Variants in PLCB4 observed in about 807,000 individuals in gnomAD.
The protein encoded by PLCB4 is 1-phosphatidylinositol 4,5-bisphosphate phosphodiesterase beta-4.
In PLCB4, 77 loss-of-function variants were observed where a neutral mutation model predicts 178.8. The observed-to-expected ratio is 0.43, with a 90% CI of 0.36 to 0.52. The LOEUF (loss-of-function observed/expected upper bound fraction) is 0.52. PLCB4 is among the 20% of genes least tolerant of loss of function. The probability of loss-of-function intolerance (pLI) is 0.00; values close to 1 mark genes in which losing one functional copy is unlikely to be tolerated. For missense variants in PLCB4, 1,024 were observed against 1,453.4 expected (o/e 0.70, Z 4.80); for synonymous variants, 496 against 490.8 (o/e 1.01, Z -0.14).
At chr20:9,277,158 G>C (rs941635365) in intron 3 of PLCB4, among the ~76,000 whole-genome samples, 2 of 152,026 alleles carry the variant, frequency 1.3e-5, no homozygotes, top group African/African-American at 2.4e-5. Flanking sequence ...CTGCATGTTA[G>C]CTACAGGGTA....
intron 3 of PLCB4, among the ~76,000 whole-genome samples, chr20:9,246,298 C>T (rs1051327074): frequency 6.6e-6 from 1 of 152,058 alleles, no homozygotes; most frequent in African/African-American, 2.4e-5. Context: ...TCTCCCTTAC[C>T]ACTATACATA....
intron 3 of PLCB4, among the ~76,000 whole-genome samples, chr20:9,238,680 T>A (rs2094021684): frequency 6.6e-6 from 1 of 152,242 alleles, no homozygotes; most frequent in Admixed American, 6.5e-5. Flanking sequence ...TAGTACAATT[T>A]TCCATGCTGT....
At chr20:9,380,023 C>A in intron 12 of PLCB4, 31 bp from the exon 13 acceptor site, 2 of 1,177,988 alleles carry the variant, frequency 1.7e-6, no homozygotes, top group South Asian at 2.6e-5. Context: ...CAAGAAATAT[C>A]AACCTAAATG....
At chr20:9,307,536 CACACACACACAT>C (rs1251691812) in intron 3 of PLCB4, among the ~76,000 whole-genome samples, 25 of 129,128 alleles carry the variant, frequency 1.9e-4, no homozygotes, top group African/African-American at 6.5e-4. Context: ...CACACACACA[CACACACACACAT>C]CTTGTTATTT....
chr20:9,435,521 CAG>C (rs748765204), intron 28 of PLCB4, 37 bp from the exon 29 acceptor site: 10 of 1,132,712 alleles, frequency 8.8e-6, no homozygotes, highest in South Asian at 7.7e-5. Context: ...TTCAGTAAAA[CAG>C]AGAATTAACG....
intron 1 of PLCB4, among the ~76,000 whole-genome samples, chr20:9,070,295 T>C (rs555260327): frequency 6.6e-6 from 1 of 152,304 alleles, no homozygotes; most frequent in African/African-American, 2.4e-5. Context: ...TTTTTCAGAA[T>C]AGAAAAATTG....
rs538065706 is a variant in PLCB4 at position 9,301,721 on chromosome 20, T to C, written c.-15-6079T>C. ...CCTCCTAACTCTGCCAGTTTCTTAT[T>C]ATCATCTTTAGGAGGAGCTTTTGCC... On this transcript the variant is annotated intron_variant, in intron 3 of 39. Coordinates refer to ENST00000378473, the MANE Select transcript of PLCB4 (RefSeq NM_001377142.1). Among the ~76,000 whole-genome samples, 10 of 152,172 alleles carry C rather than the reference T, an allele frequency of 6.6e-5. No homozygotes were observed. The South Asian group carries it at 2.1e-3, about 32-fold the overall frequency.
At chr20:9,453,490 CTT>C (rs1443181613) in intron 33 of PLCB4, 28 bp downstream of exon 33, 1 of 1,303,466 alleles carries the variant, frequency 7.7e-7, no homozygotes, top group Non-Finnish European at 1.1e-6. Flanking sequence ...CTTCTGAAGA[CTT>C]TCTCTATGTT....
intron 3 of PLCB4, among the ~76,000 whole-genome samples, chr20:9,276,320 G>A (rs2094450181): frequency 6.6e-6 from 1 of 151,966 alleles, no homozygotes; most frequent in South Asian, 2.1e-4. Flanking sequence ...TTCCTGGGAG[G>A]ATATTTTATG....
intron 32 of PLCB4, among the ~76,000 whole-genome samples, chr20:9,449,944 C>T (rs1236525198): frequency 6.6e-6 from 1 of 152,170 alleles, no homozygotes; most frequent in African/African-American, 2.4e-5. Flanking sequence ...GCTGAGCAAA[C>T]ATGATTTACT....
At chr20:9,302,574 T>G (rs1478925361) in intron 3 of PLCB4, among the ~76,000 whole-genome samples, 1 of 152,124 alleles carries the variant, frequency 6.6e-6, no homozygotes, top group African/African-American at 2.4e-5. Flanking sequence ...AGAATACTTC[T>G]TACCTTGTTC....
intron 34 of PLCB4, among the ~76,000 whole-genome samples, chr20:9,457,990 A>G (rs576228764): frequency 9.5e-4 from 145 of 152,290 alleles, no homozygotes; most frequent in Non-Finnish European, 1.7e-3. Context: ...TAGGAGCTTG[A>G]GAGACTTTAA....
intron 2 of PLCB4, among the ~76,000 whole-genome samples, chr20:9,099,926 C>T (rs561375154): frequency 3.3e-5 from 5 of 152,168 alleles, no homozygotes; most frequent in Non-Finnish European, 7.3e-5. Context: ...ATTTGGGCTA[C>T]CTGGTATCTG....
At chr20:9,089,316 G>A (rs1276058278) in intron 1 of PLCB4, among the ~76,000 whole-genome samples, 3 of 151,850 alleles carry the variant, frequency 2.0e-5, no homozygotes, top group Non-Finnish European at 4.4e-5. Flanking sequence ...TCTCAGTAGT[G>A]TCTAAGATTT....
chr20:9,387,855 A>G (rs2037806445), intron 15 of PLCB4, among the ~76,000 whole-genome samples: 1 of 152,230 alleles, frequency 6.6e-6, no homozygotes, highest in South Asian at 2.1e-4. Context: ...TTATTTGCTT[A>G]TTTACTTTAC....
At chr20:9,237,355 G>T (rs1055316936) in intron 3 of PLCB4, among the ~76,000 whole-genome samples, 1 of 151,834 alleles carries the variant, frequency 6.6e-6, no homozygotes, top group Admixed American at 6.6e-5. Context: ...GATAACCAAA[G>T]TGAAGTTATT....
At position 9,390,595 on chromosome 20, in the gene PLCB4, C is replaced by G. The variant is rs2038058636; in HGVS notation, c.1303C>G (p.Gln435Glu). 2.0e-6 allele frequency: 3 copies of G among 1,535,052 alleles called. No individual in the cohort carries two copies. Among genetic ancestry groups the G allele is most frequent in the Non-Finnish European group, 2.7e-6 (3 of 1,108,072 alleles). ...TCTATTTGGGGATCTCCTGTTGAAA[C>G]AAGCACTTGAATCACATCCAGTATG... is the stretch of plus-strand genomic sequence containing the variant. The part of the protein sequence containing the change: ...EDLFGDLLLK[Q>E]ALESHPLEPG... Residue 435 changes from glutamine (Q) to glutamate (E), a missense_variant, in exon 17 of 40, where the codon CAA (glutamine) becomes GAA (glutamate). Around this residue, in one of 7 missense-constraint regions of PLCB4, gnomAD observed 263 missense variants for 417.4 expected, o/e 0.63. Transcript: ENST00000378473.
intron 25 of PLCB4, among the ~76,000 whole-genome samples, chr20:9,414,096 C>T (rs2040071364): frequency 6.6e-6 from 1 of 152,220 alleles, no homozygotes; most frequent in Non-Finnish European, 1.5e-5. Context: ...AAAATACCTT[C>T]ACAGAAAAGG....
At chr20:9,268,426 A>T (rs1382104268) in intron 3 of PLCB4, among the ~76,000 whole-genome samples, 1 of 152,208 alleles carries the variant, frequency 6.6e-6, no homozygotes, top group Non-Finnish European at 1.5e-5. Context: ...ATTTCAAAGT[A>T]TCTCAAGTAA....
Sources: allele counts gnomAD v4.1 joint callset (sites outside exome capture counted in the v4.1 genomes callset), GRCh38; gene constraint gnomAD v4.1.1; regional missense constraint gnomAD v4.1.1; transcripts MANE v1.5; gene names NCBI Gene and HGNC (gene_info 2026-07-23, HGNC 2026-07-21).